CRIP3: variants seen among roughly 807,000 people sequenced by gnomAD.
CRIP3 encodes the protein cysteine-rich protein 3.
A neutral mutation model predicts 30.3 loss-of-function variants in CRIP3; 23 were observed. That is an observed-to-expected ratio of 0.76 (90% CI 0.55 to 1.08). The LOEUF is 1.08. Among genes scored for constraint, CRIP3 ranks in the 50% least tolerant of loss-of-function variants. The pLI, the probability that CRIP3 is intolerant of heterozygous loss-of-function variation, is 0.00. For missense variants in CRIP3, 261 were observed against 259.3 expected (o/e 1.01, Z -0.04); for synonymous variants, 89 against 97.6 (o/e 0.91, Z 0.52).
chr6:43,307,623 T>C lies in CRIP3; in HGVS notation c.317A>G (p.Gln106Arg), dbSNP rs1017810683. The change falls in exon 4 of 8, where the codon CAA becomes CGA. Residue 106 changes from glutamine to arginine, a missense_variant. Gln to Arg is a conservative substitution (Grantham distance 43). Coordinates refer to ENST00000372569, the MANE Select transcript of CRIP3 (RefSeq NM_206922.3). ...GAGCCCAGCCTTACTTTTCTTGCCT[T>C]GGGGGAGGCCAGTCCTTGGCCTGGG... ...SPPRPRTGLP[Q>R]GKKSPPHMKT... The C allele has an allele frequency of 6.8e-7, 1 of 1,468,954 alleles. No individual in the cohort carries two copies. Among genetic ancestry groups the C allele is most frequent in the Middle Eastern group, 1.9e-4 (1 of 5,190 alleles). The allele number at this position is 1,468,954 out of a possible 1,614,324, so 91.0% of individuals were successfully genotyped here.
Position 43,307,833 on chromosome 6 carries a change from A to ACCC in CRIP3, c.196+5_196+6insGGG, listed in dbSNP as rs751213599. ...TGACCCATGGCCCCTTAAGGCTGGTACTTACCCCTGGGTCCAAAGAGAGCC... is the reference window on the plus strand; with the variant it reads ...TGACCCATGGCCCCTTAAGGCTGGTACCCCTTACCCCTGGGTCCAAAGAGAGCC... On this transcript the variant is annotated splice_donor_region_variant and intron_variant, in intron 3 of 7. Transcript: ENST00000372569. 6 of 1,613,790 alleles carry ACCC rather than the reference A, an allele frequency of 3.7e-6. No homozygotes were observed. Among genetic ancestry groups the ACCC allele is most frequent in the Non-Finnish European group, 5.1e-6 (6 of 1,179,908 alleles).
At position 43,306,517 on chromosome 6, in the gene CRIP3, C is replaced by A; in HGVS notation, c.329G>T (p.Ser110Ile). Reference protein sequence around the residue: ...PRTGLPQGKKSPPHMKTFTGE... With the variant: ...PRTGLPQGKKIPPHMKTFTGE... Reference sequence around the variant, plus strand: ...AGTGAATGTCTTCATATGGGGAGGGCCTTTAAAGGGGAAGAGGCCCTGGCT... The same window carrying A: ...AGTGAATGTCTTCATATGGGGAGGGACTTTAAAGGGGAAGAGGCCCTGGCT... The change falls in exon 5 of 8, where the codon AGC becomes ATC. Residue 110 changes from serine (S) to isoleucine (I), a missense_variant and splice_region_variant. Physicochemically the swap from Ser to Ile is moderately radical, Grantham distance 142. Transcript: ENST00000372569. 2 of 1,602,148 alleles carry A rather than the reference C, an allele frequency of 1.2e-6. No homozygotes were observed. Among genetic ancestry groups the A allele is most frequent in the South Asian group, 2.2e-5 (2 of 89,016 alleles).
chr6:43,308,709 C>T (rs1407507336), intron 1 of CRIP3, 41 bp downstream of exon 1: 1 of 1,612,982 alleles, frequency 6.2e-7, no homozygotes, highest in Admixed American at 1.7e-5. Flanking sequence ...CAGCGGCTCC[C>T]ATTCGCCCCA....
Position 43,305,679 on chromosome 6 carries a change from C to A in CRIP3, c.*135G>T, listed in dbSNP as rs1169695078. On this transcript the variant is annotated 3_prime_UTR_variant, in exon 8 of 8. Coordinates refer to ENST00000372569, the MANE Select transcript of CRIP3 (RefSeq NM_206922.3). ...AGAAAGTCTAGACTCTCTGGCCTAC[C>A]ATGGAGCCTAGGCCCAGGCCCCCAA... The A allele has an allele frequency of 2.7e-6, 3 of 1,103,132 alleles. No homozygotes were observed. The highest frequency in any genetic ancestry group is 2.0e-5 in the Admixed American group (1 of 49,950). The allele number at this position is 1,103,132 out of a possible 1,614,324, so 68.3% of individuals were successfully genotyped here. A position where few individuals can be genotyped will look rare whatever the true frequency, so the allele number is the denominator to read the frequency against.
chr6:43,308,327 G>A lies in CRIP3; in HGVS notation c.126C>T (p.Gly42=). The A allele has an allele frequency of 1.2e-6, 2 of 1,612,510 alleles. No individual in the cohort carries two copies. Among genetic ancestry groups the A allele is most frequent in the Non-Finnish European group, 1.7e-6 (2 of 1,179,446 alleles). The change falls in exon 2 of 8, where the codon GGC becomes GGT. Residue 42 remains glycine, a synonymous_variant. Coordinates refer to ENST00000372569, the MANE Select transcript of CRIP3 (RefSeq NM_206922.3). ...CERCHSILSP[G]GHAEHNGRPY... is the part of the protein sequence containing the mutation. ...GGCCAGGTCTTACCTCTGCATGCCC[G>A]CCAGGGGACAGGATGCTGTGGCAGC...
At position 43,305,810 on chromosome 6, in the gene CRIP3, C is replaced by T. The variant is rs764519667; in HGVS notation, c.*4G>A. Reference sequence around the variant, plus strand: ...GAGTTAGGGTGACCTTTTTTGTGAGCGTCTCATTTGAATTTTATCTTCACT... The same window carrying T: ...GAGTTAGGGTGACCTTTTTTGTGAGTGTCTCATTTGAATTTTATCTTCACT... On this transcript the variant is annotated 3_prime_UTR_variant, in exon 8 of 8. Coordinates refer to ENST00000372569, the MANE Select transcript of CRIP3 (RefSeq NM_206922.3). The T allele has an allele frequency of 8.1e-6, 13 of 1,614,038 alleles. No homozygotes were observed. The highest frequency in any genetic ancestry group is 1.7e-4 in the Middle Eastern group (1 of 6,046).
In CRIP3 at chr6:43,306,453, G is replaced by A. The variant is rs1431320980; in HGVS notation, c.393C>T (p.Val131=). ...TSLCPGCGEP[V]YFAEKVMSLG... ...TTTTCCACTGTTACTTACCAAAATA[G>A]ACGGGCTCCCCACAGCCAGGGCACA... The change falls in exon 5 of 8, where the codon GTC becomes GTT. Residue 131 remains valine, a synonymous_variant. Coordinates refer to ENST00000372569, the MANE Select transcript of CRIP3 (RefSeq NM_206922.3). 2 of 1,603,420 alleles carry A rather than the reference G, an allele frequency of 1.2e-6. No homozygotes were observed. The highest frequency in any genetic ancestry group is 2.2e-5 in the South Asian group (2 of 90,752).
chr6:43,308,708 C>T (rs750086084), intron 1 of CRIP3, 42 bp downstream of exon 1: 30 of 1,612,810 alleles, frequency 1.9e-5, no homozygotes, highest in Non-Finnish European at 2.5e-5. Context: ...CCAGCGGCTC[C>T]CATTCGCCCC....
rs779910262 is a variant in CRIP3 at position 43,307,948 on chromosome 6, C to T, written c.139-52G>A. Reference sequence around the variant, plus strand: ...TACTCAAGGCCAGCGGGAGCCATGCCCCACAGGCCTTCACCCCAGACAGGC... The same window carrying T: ...TACTCAAGGCCAGCGGGAGCCATGCTCCACAGGCCTTCACCCCAGACAGGC... On this transcript the variant is annotated intron_variant, in intron 2 of 7. Coordinates refer to ENST00000372569, the MANE Select transcript of CRIP3 (RefSeq NM_206922.3). The T allele has an allele frequency of 8.8e-6, 14 of 1,597,498 alleles. No homozygotes were observed. In the Admixed American group the frequency reaches 2.2e-4, roughly 25 times the overall value.
At position 43,307,862 on chromosome 6, in the gene CRIP3, T is replaced by C. The variant is rs773829961; in HGVS notation, c.173A>G (p.Tyr58Cys). ...ACCCCTGGGTCCAAAGAGAGCCCCA[T>C]AGCATGGCTTGTGGCAGTATGGCCT... Reference protein sequence around the residue: ...NGRPYCHKPCYGALFGPRGVN... With the variant: ...NGRPYCHKPCCGALFGPRGVN... The change falls in exon 3 of 8, where the codon TAT (tyrosine) becomes TGT (cysteine). Residue 58 changes from tyrosine to cysteine, a missense_variant. Physicochemically the swap from Tyr to Cys is radical, Grantham distance 194. Coordinates refer to ENST00000372569, the MANE Select transcript of CRIP3 (RefSeq NM_206922.3). 14 of 1,613,838 alleles carry C rather than the reference T, an allele frequency of 8.7e-6. No homozygotes were observed. The highest frequency in any genetic ancestry group is 1.1e-5 in the Non-Finnish European group (13 of 1,180,020).
Position 43,307,674 on chromosome 6 carries a change from G to C in CRIP3, c.266C>G (p.Pro89Arg), listed in dbSNP as rs763574850. ...AGGGCTGAAGCTGCTGGGGCTGAGAGGAGTGGTGCAGCCAGGGCTGGGAGT... is the reference window on the plus strand; with the variant it reads ...AGGGCTGAAGCTGCTGGGGCTGAGACGAGTGGTGCAGCCAGGGCTGGGAGT... ...PPTPSPGCTT[P>R]LSPSSFSPPR... Residue 89 changes from proline (P) to arginine (R), a missense_variant, in exon 4 of 8, where the codon CCT becomes CGT. Transcript: ENST00000372569. 4.0e-6 allele frequency: 6 copies of C among 1,513,914 alleles called. No homozygotes were observed. In the East Asian group the frequency reaches 1.4e-4, roughly 36 times the overall value. The allele number at this position is 1,513,914 out of a possible 1,614,324, so 93.8% of individuals were successfully genotyped here.
Position 43,307,744 on chromosome 6 carries a change from C to G in CRIP3, c.197-1G>C. On this transcript the variant is annotated splice_acceptor_variant, in intron 3 of 7. Coordinates refer to ENST00000372569, the MANE Select transcript of CRIP3 (RefSeq NM_206922.3). LOFTEE classifies it high-confidence loss of function. The stretch of plus-strand genomic sequence containing the variant: ...GAGCCTACACCACCAATGTTCACCC[C>G]TGAAGAGAGAATAGGGGAGGTCAGG... 6.3e-7 allele frequency: 1 copy of G among 1,599,888 alleles called. No individual in the cohort carries two copies. Among genetic ancestry groups the G allele is most frequent in the Non-Finnish European group, 8.5e-7 (1 of 1,170,256 alleles).
chr6:43,308,239 C>T, intron 2 of CRIP3, 76 bp downstream of exon 2: 1 of 1,323,622 alleles, frequency 7.6e-7, no homozygotes, highest in African/African-American at 1.5e-5. Context: ...GCCTCCAGTG[C>T]TGAAGTTGGG....
chr6:43,306,005 A>C, intron 7 of CRIP3, 62 bp downstream of exon 7: 1 of 1,605,678 alleles, frequency 6.2e-7, no homozygotes, highest in Non-Finnish European at 8.5e-7. Context: ...CCCACAGACC[A>C]TGTACATGCC....
chr6:43,307,346 G>C, intron 4 of CRIP3: 1 of 255,684 alleles, frequency 3.9e-6, no homozygotes, highest in Non-Finnish European at 7.3e-6. Context: ...CACCATGCTG[G>C]CCAGGCTGGT....
chr6:43,308,278 G>T, intron 2 of CRIP3, 37 bp downstream of exon 2: 1 of 1,522,912 alleles, frequency 6.6e-7, no homozygotes, highest in Non-Finnish European at 9.0e-7. Flanking sequence ...GGGAGGCAGT[G>T]ATGTAAACAG....
chr6:43,306,644 G>A, intron 4 of CRIP3, 127 bp from the exon 5 acceptor site: 1 of 759,566 alleles, frequency 1.3e-6, no homozygotes, highest in Non-Finnish European at 2.1e-6. Context: ...GCGCCCAAGA[G>A]TCTGCCTTCT....
At chr6:43,307,975 G>A in intron 2 of CRIP3, 79 bp from the exon 3 acceptor site, 1 of 1,493,010 alleles carries the variant, frequency 6.7e-7, no homozygotes, top group Non-Finnish European at 9.2e-7. Context: ...CAGACAGGCT[G>A]CCAGGTGTGT....
chr6:43,307,359 C>T (rs1285996920), intron 4 of CRIP3: 3 of 284,758 alleles, frequency 1.1e-5, no homozygotes, highest in East Asian at 5.7e-5. Context: ...AGGCTGGTCT[C>T]GAACTCCTGA....
Sources: allele counts gnomAD v4.1 joint callset, GRCh38; gene constraint gnomAD v4.1.1; transcripts MANE v1.5; gene names NCBI Gene and HGNC (gene_info 2026-07-23, HGNC 2026-07-21).